CCDC88C: variants seen among roughly 807,000 people sequenced by gnomAD.
CCDC88C encodes protein Daple.
A neutral mutation model predicts 198.8 loss-of-function variants in CCDC88C; 131 were observed. The ratio of observed to expected loss-of-function variants is 0.66; its 90% CI spans 0.57 to 0.76. The LOEUF (loss-of-function observed/expected upper bound fraction) is 0.76. Among genes scored for constraint, CCDC88C ranks in the 30% least tolerant of loss-of-function variants. The pLI is 0.00. For missense variants in CCDC88C, 2,553 were observed against 2,631.6 expected (o/e 0.97, Z 0.65); for synonymous variants, 1,166 against 1,114.7 (o/e 1.05, Z -0.92).
Position 91,313,132 on chromosome 14 carries a change from T to A in CCDC88C, c.2684A>T (p.Asp895Val), listed in dbSNP as rs777795805. Residue 895 changes from aspartate (D) to valine (V), a missense_variant, in exon 15 of 30, where the codon GAC (aspartate) becomes GTC (valine). Physicochemically the swap from Asp to Val is radical, Grantham distance 152. This residue lies in a region of CCDC88C where 1,260 missense variants were observed against 1,412.0 expected (regional missense o/e 0.89). Coordinates refer to ENST00000389857, the MANE Select transcript of CCDC88C (RefSeq NM_001080414.4). This position sits in a 1 kb window ranked among gnomAD's most constrained non-coding sequence, Gnocchi z 5.2. ...KLKELEKDNR[D>V]LTKQVTVHAR... ...ATGCACGGTGACTTGCTTGGTGAGG[T>A]CCCGGTTGTCCTTCTCCAGCTCCTT... is the stretch of plus-strand genomic sequence containing the variant. The A allele has an allele frequency of 6.2e-7, 1 of 1,607,852 alleles. No individual in the cohort carries two copies. The highest frequency in any genetic ancestry group is 1.3e-5 in the African/African-American group (1 of 74,886).
intron 3 of CCDC88C, among the ~76,000 whole-genome samples, chr14:91,399,854 A>AAG (rs1555429798): frequency 4.9e-4 from 69 of 141,354 alleles, no homozygotes; most frequent in African/African-American, 1.2e-3. Flanking sequence ...AAAAAAAAAA[A>AAG]AAGAAGAAGA....
chr14:91,302,416 T>G (rs1487380240), intron 20 of CCDC88C, among the ~76,000 whole-genome samples: 1 of 152,170 alleles, frequency 6.6e-6, no homozygotes, highest in Admixed American at 6.5e-5. Flanking sequence ...CACCTGCCCC[T>G]CAGACTCTGG....
rs565891600 is a variant in CCDC88C, at chr14:91,411,845, C to T, written c.162-3078G>A. ...AGACATGGTGGCATGCGCCTGTAAT[C>T]CTAGCTAATCGGGAGGCTGAGGCAG... On this transcript the variant is annotated intron_variant, in intron 2 of 29. Transcript: ENST00000389857. 2.0e-5 allele frequency among the ~76,000 whole-genome samples: 3 copies of T among 152,032 alleles called. No homozygotes were observed. In the East Asian group the frequency reaches 5.8e-4, roughly 29 times the overall value.
chr14:91,391,773 C>T lies in CCDC88C; in HGVS notation c.270+16886G>A, dbSNP rs537639747. On this transcript the variant is annotated intron_variant, in intron 3 of 29. Transcript: ENST00000389857. ...CAGCCTGGGTGACAGAGCAAGACTC[C>T]GTCTCAAAAAGAAAAAGAAAAAAGA... Among the ~76,000 whole-genome samples the T allele has an allele frequency of 3.9e-5, 6 of 152,002 alleles. No individual in the cohort carries two copies. In the South Asian group the frequency reaches 8.3e-4, roughly 21 times the overall value.
At chr14:91,295,697 G>A (rs901398189) in intron 22 of CCDC88C, among the ~76,000 whole-genome samples, 1 of 152,192 alleles carries the variant, frequency 6.6e-6, no homozygotes, top group Admixed American at 6.5e-5. Flanking sequence ...CGGCGAGCAC[G>A]GCTCCGAGCA....
At chr14:91,312,346 C>G (rs1596057965) in intron 15 of CCDC88C, among the ~76,000 whole-genome samples, 2 of 152,038 alleles carry the variant, frequency 1.3e-5, no homozygotes, top group African/African-American at 4.8e-5. Context: ...TGGGGTCACA[C>G]CACTGCACTC....
In CCDC88C at chr14:91,303,626, C is replaced by T. The variant is rs1891424009; in HGVS notation, c.3635+75G>A. On this transcript the variant is annotated intron_variant, in intron 20 of 29. Transcript: ENST00000389857. ...GGTCCCACCCATCTACCCCAGGCCC[C>T]ACCTTTCCCCCTGGGCCCAGCCTCT... The T allele has an allele frequency of 3.5e-6, 5 of 1,443,820 alleles. No homozygotes were observed. The South Asian group carries it at 5.6e-5, about 16-fold the overall frequency. 89.4% of individuals were successfully genotyped at this position (1,443,820 alleles called of 1,614,324 possible). A position where few individuals can be genotyped will look rare whatever the true frequency, so the allele number is the denominator to read the frequency against.
At chr14:91,281,360 T>G (rs373420808) in intron 27 of CCDC88C, 97 bp downstream of exon 27, 1 of 1,587,660 alleles carries the variant, frequency 6.3e-7, no homozygotes, top group Non-Finnish European at 8.6e-7. Context: ...CATTTGGTGT[T>G]GGACTCCCGT....
chr14:91,297,645 C>A (rs1891070386), intron 21 of CCDC88C, among the ~76,000 whole-genome samples, 154 bp from the exon 22 acceptor site: 1 of 150,696 alleles, frequency 6.6e-6, no homozygotes, highest in Admixed American at 6.6e-5. Flanking sequence ...TTTTTCCATG[C>A]ATAAAATAAG....
At position 91,389,735 on chromosome 14, in the gene CCDC88C, A is replaced by G. The variant is rs550257455; in HGVS notation, c.270+18924T>C. On this transcript the variant is annotated intron_variant, in intron 3 of 29. Coordinates refer to ENST00000389857, the MANE Select transcript of CCDC88C (RefSeq NM_001080414.4). ...GCTCTATTTAAAAAATAAAAAAAAA[A>G]AAAGAAAGAAAAAGAACGAAAGAAA... Among the ~76,000 whole-genome samples the G allele has an allele frequency of 3.2e-4, 49 of 151,214 alleles. 1 individual carries two copies. Among genetic ancestry groups the G allele is most frequent in the African/African-American group, 9.5e-4 (39 of 41,192 alleles).
chr14:91,285,364 G>A (rs1890358894), intron 25 of CCDC88C: 1 of 449,460 alleles, frequency 2.2e-6, no homozygotes, highest in Admixed American at 2.4e-5. Flanking sequence ...AGGTGCAAGA[G>A]ACGGGAGGGG....
rs537312577 is a variant in CCDC88C at position 91,274,138 on chromosome 14, C to T, written c.5059-485G>A. On this transcript the variant is annotated intron_variant, in intron 29 of 29. Transcript: ENST00000389857. ...GGAACAAGAGCAGCTCTTGAAACGC[C>T]GGAACCTTCACTGCCACTCAGACCT... 5.6e-3 allele frequency among the ~76,000 whole-genome samples: 830 copies of T among 149,060 alleles called. 6 individuals carry two copies. The highest frequency in any genetic ancestry group is 0.02 in the African/African-American group (792 of 40,258).
intron 16 of CCDC88C, 139 bp from the exon 17 acceptor site, chr14:91,308,631 C>G: frequency 2.3e-6 from 2 of 869,838 alleles, no homozygotes; most frequent in East Asian, 4.9e-5. Context: ...GAAGAACTCA[C>G]GAGCCAAAAC....
At chr14:91,328,385 C>G (rs1485087590) in intron 10 of CCDC88C, among the ~76,000 whole-genome samples, 1 of 152,174 alleles carries the variant, frequency 6.6e-6, no homozygotes, top group Non-Finnish European at 1.5e-5. Context: ...GCCCAGGGCT[C>G]CCCCGGGCAC....
rs1886834977 is a variant in CCDC88C at position 91,412,401 on chromosome 14, C to T, written c.162-3634G>A. On this transcript the variant is annotated intron_variant, in intron 2 of 29. Coordinates refer to ENST00000389857, the MANE Select transcript of CCDC88C (RefSeq NM_001080414.4). The stretch of plus-strand genomic sequence containing the variant: ...TTTATTTTGCTCATCTGTATATATT[C>T]CTATTCTCCTAAGATGAACATAGTT... Among the ~76,000 whole-genome samples the T allele has an allele frequency of 2.0e-5, 3 of 151,646 alleles. No individual in the cohort carries two copies. The South Asian group carries it at 6.2e-4, about 32-fold the overall frequency.
rs1894284358 is a variant in CCDC88C at position 91,361,095 on chromosome 14, A to G, written c.271-1384T>C. ...GCAGTGAGCTATGTTGCACGAGTGCACTCCAGCCTGGGTGACGAGTAAAAC... is the reference window on the plus strand; with the variant it reads ...GCAGTGAGCTATGTTGCACGAGTGCGCTCCAGCCTGGGTGACGAGTAAAAC... On this transcript the variant is annotated intron_variant, in intron 3 of 29. Transcript: ENST00000389857. 1.3e-5 allele frequency among the ~76,000 whole-genome samples: 2 copies of G among 150,002 alleles called. 1 individual carries two copies. The highest frequency in any genetic ancestry group is 1.3e-4 in the Admixed American group (2 of 14,886).
intron 4 of CCDC88C, among the ~76,000 whole-genome samples, chr14:91,357,161 C>A (rs1281120202): frequency 6.6e-6 from 1 of 152,198 alleles, no homozygotes; most frequent in African/African-American, 2.4e-5. Context: ...AAGGACATGG[C>A]ACCCAAGCCC....
chr14:91,354,924 C>T (rs1265557115), intron 4 of CCDC88C, among the ~76,000 whole-genome samples: 6 of 152,166 alleles, frequency 3.9e-5, no homozygotes, highest in Admixed American at 2.0e-4. Flanking sequence ...GAAAGCAGAG[C>T]AGAACAAAGA....
At chr14:91,412,474 T>C (rs1395449330) in intron 2 of CCDC88C, among the ~76,000 whole-genome samples, 1 of 151,810 alleles carries the variant, frequency 6.6e-6, no homozygotes, top group Non-Finnish European at 1.5e-5. Context: ...CTGGCTCTGT[T>C]GCCCAGGCTG....
Sources: gnomAD v4.1 joint callset for allele counts (sites outside exome capture counted in the v4.1 genomes callset) on GRCh38, gnomAD v4.1.1 for gene constraint, gnomAD v4.1.1 regional missense constraint, Gnocchi (gnomAD v3.1) non-coding constraint, MANE v1.5 for transcripts, NCBI Gene and HGNC (gene_info 2026-07-23, HGNC 2026-07-21) for gene names.